VPS13B: variants seen among roughly 807,000 people sequenced by gnomAD.
VPS13B encodes vacuolar protein sorting 13 homolog B, also known as intermembrane lipid transfer protein VPS13B.
In VPS13B, 285 loss-of-function variants were observed where a neutral mutation model predicts 426.4. The ratio of observed to expected loss-of-function variants is 0.67; its 90% CI spans 0.61 to 0.74. VPS13B has a LOEUF of 0.74. Ranked by LOEUF, VPS13B falls within the 30% of genes least tolerant of loss-of-function variation. The pLI, the probability that VPS13B is intolerant of heterozygous loss-of-function variation, is 0.00. For synonymous variants in VPS13B, 1,676 were observed against 1,676.4 expected, an observed-to-expected ratio of 1.00 and a Z score of 0.01; for missense variants, 4,537 against 4,782.6, an observed-to-expected ratio of 0.95 and a Z score of 1.51.
intron 19 of VPS13B, among the ~76,000 whole-genome samples, chr8:99,327,324 T>G (rs949831834): frequency 6.6e-6 from 1 of 152,198 alleles, no homozygotes; most frequent in African/African-American, 2.4e-5. Context: ...TTATTTGGGA[T>G]TTCACTTTCA....
intron 36 of VPS13B, among the ~76,000 whole-genome samples, chr8:99,714,654 T>G (rs1832840066): frequency 6.6e-6 from 1 of 152,218 alleles, no homozygotes; most frequent in South Asian, 2.1e-4. Context: ...TACACCAATA[T>G]GACGCACTAA....
rs533243905 is a variant in VPS13B at position 99,070,903 on chromosome 8, A to G, written c.292-25409A>G. Among the ~76,000 whole-genome samples the G allele has an allele frequency of 1.2e-4, 18 of 152,236 alleles. No individual in the cohort carries two copies. In the East Asian group the frequency reaches 2.1e-3, roughly 18 times the overall value. ...TTCTGATGCATTCTTCAGTATGTCA[A>G]TTGAATTTTTCAGCTCCAGAATTTC... On this transcript the variant is annotated intron_variant, in intron 3 of 61. Coordinates refer to ENST00000357162, the MANE Select transcript of VPS13B (RefSeq NM_152564.5).
intron 33 of VPS13B, among the ~76,000 whole-genome samples, chr8:99,616,261 G>A (rs1396147165): frequency 6.6e-6 from 1 of 152,098 alleles, no homozygotes; most frequent in Non-Finnish European, 1.5e-5. Context: ...AATATTTATT[G>A]TATGTTTACT....
At chr8:99,774,882 T>C (rs1379316527) in intron 40 of VPS13B, among the ~76,000 whole-genome samples, 1 of 152,238 alleles carries the variant, frequency 6.6e-6, no homozygotes, top group African/African-American at 2.4e-5. Flanking sequence ...TTGTGCATAG[T>C]CAATAACCTA....
intron 20 of VPS13B, among the ~76,000 whole-genome samples, chr8:99,388,534 G>A (rs1814250652): frequency 6.6e-6 from 1 of 152,240 alleles, no homozygotes; most frequent in Admixed American, 6.5e-5. Flanking sequence ...AGACTAGATT[G>A]CAACTGAAAT....
At chr8:99,682,131 T>TGA (rs1177869756) in intron 35 of VPS13B, among the ~76,000 whole-genome samples, 4 of 152,234 alleles carry the variant, frequency 2.6e-5, no homozygotes, top group Non-Finnish European at 5.9e-5. Flanking sequence ...GGACAAACTA[T>TGA]GAGAGACAGA....
chr8:99,818,299 A>G (rs1311953559), intron 45 of VPS13B, 152 bp from the exon 46 acceptor site: 2 of 763,032 alleles, frequency 2.6e-6, no homozygotes, highest in Non-Finnish European at 2.2e-6. Flanking sequence ...TGCCATAATG[A>G]AGTCTGTTTT....
chr8:99,581,773 T>C (rs1261811008), intron 33 of VPS13B, among the ~76,000 whole-genome samples: 1 of 152,178 alleles, frequency 6.6e-6, no homozygotes, highest in Non-Finnish European at 1.5e-5. Flanking sequence ...ACCTGCGTTA[T>C]GACAGGCTGA....
intron 33 of VPS13B, among the ~76,000 whole-genome samples, chr8:99,615,066 G>A (rs796585971): frequency 4.8e-5 from 7 of 144,960 alleles, no homozygotes; most frequent in African/African-American, 7.7e-5. Context: ...GCGGTGAGCC[G>A]AGATTGCGCC....
chr8:99,224,207 T>C (rs936206668), intron 17 of VPS13B, among the ~76,000 whole-genome samples: 3 of 151,952 alleles, frequency 2.0e-5, no homozygotes, highest in South Asian at 2.1e-4. Flanking sequence ...TGCAGATGGG[T>C]TTTTTTTCTG....
In VPS13B at chr8:99,703,374, C is replaced by A. The variant is rs892613212; in HGVS notation, c.6454+3442C>A. On this transcript the variant is annotated intron_variant, in intron 36 of 61. Transcript: ENST00000357162. ...ATAGCAGTGACTTAGAATAAACTAA[C>A]TCCCATTTCTGTTAGAATACTTATG... Among the ~76,000 whole-genome samples the A allele has an allele frequency of 3.2e-4, 48 of 152,034 alleles. 1 individual carries two copies. Among genetic ancestry groups the A allele is most frequent in the Admixed American group, 1.3e-4 (2 of 15,262 alleles).
chr8:99,463,954 CA>C (rs1225527951), intron 23 of VPS13B, among the ~76,000 whole-genome samples: 2 of 152,262 alleles, frequency 1.3e-5, no homozygotes, highest in East Asian at 3.9e-4. Flanking sequence ...TTCGGCCTCC[CA>C]AAGTGTTGGT....
chr8:99,171,184 A>C (rs548424151), intron 16 of VPS13B, among the ~76,000 whole-genome samples: 1 of 151,976 alleles, frequency 6.6e-6, no homozygotes, highest in East Asian at 1.9e-4. Flanking sequence ...GATAAATTTC[A>C]TTTTGTCCTT....
chr8:99,620,979 T>A (rs1588558225), intron 33 of VPS13B, among the ~76,000 whole-genome samples: 1 of 53,672 alleles, frequency 1.9e-5, no homozygotes, highest in Non-Finnish European at 3.4e-5. Context: ...AAAGCAAAAC[T>A]CCATCTCAAA....
chr8:99,410,068 G>A (rs1815549361), intron 21 of VPS13B, among the ~76,000 whole-genome samples: 1 of 152,076 alleles, frequency 6.6e-6, no homozygotes. Flanking sequence ...TAAAATTTCA[G>A]ATTTCACCAC....
intron 21 of VPS13B, among the ~76,000 whole-genome samples, chr8:99,407,170 A>T (rs1366742565): frequency 6.6e-6 from 1 of 152,208 alleles, no homozygotes; most frequent in Non-Finnish European, 1.5e-5. Flanking sequence ...GTAAATCTTT[A>T]TAGTGATGAA....
intron 5 of VPS13B, among the ~76,000 whole-genome samples, chr8:99,105,598 T>C (rs1284296568): frequency 6.6e-6 from 1 of 152,120 alleles, no homozygotes; most frequent in Admixed American, 6.5e-5. Flanking sequence ...AGTCTGGTCT[T>C]GAATTCCTGA....
At chr8:99,226,605 A>C (rs992658515) in intron 17 of VPS13B, among the ~76,000 whole-genome samples, 8 of 152,310 alleles carry the variant, frequency 5.3e-5, no homozygotes, top group African/African-American at 1.9e-4. Context: ...GTCAAAATTA[A>C]GGACACTTCT....
intron 36 of VPS13B, among the ~76,000 whole-genome samples, chr8:99,713,147 AT>A (rs1832773124): frequency 6.6e-6 from 1 of 152,194 alleles, no homozygotes; most frequent in Non-Finnish European, 1.5e-5. Flanking sequence ...GTATTATGTT[AT>A]TTCTACAAAT....
Sources: allele counts gnomAD v4.1 joint callset (sites outside exome capture counted in the v4.1 genomes callset), GRCh38; gene constraint gnomAD v4.1.1; transcripts MANE v1.5; gene names NCBI Gene and HGNC (gene_info 2026-07-23, HGNC 2026-07-21).